Variants in TMEM131 observed in about 807,000 individuals in gnomAD.
The protein encoded by TMEM131 is 2610524E03Rik.
In TMEM131, 66 loss-of-function variants were observed where a neutral mutation model predicts 211.6. The observed-to-expected ratio is 0.31, with a 90% CI of 0.26 to 0.38. The LOEUF (loss-of-function observed/expected upper bound fraction) is 0.38. Among genes scored for constraint, TMEM131 ranks in the 10% least tolerant of loss-of-function variants. TMEM131 has a pLI of 1.00. For missense variants in TMEM131, 2,036 were observed against 2,299.3 expected (o/e 0.89, Z 2.34); for synonymous variants, 844 against 841.3 (o/e 1.00, Z -0.06).
At chr2:97,850,298 G>C (rs576555649) in intron 5 of TMEM131, among the ~76,000 whole-genome samples, 28 of 152,198 alleles carry the variant, frequency 1.8e-4, no homozygotes, top group Non-Finnish European at 2.8e-4. Context: ...CCCACAGAAA[G>C]GGGCAGTGAA....
chr2:97,868,102 C>G (rs1343197162), intron 4 of TMEM131, among the ~76,000 whole-genome samples: 1 of 152,148 alleles, frequency 6.6e-6, no homozygotes, highest in Non-Finnish European at 1.5e-5. Context: ...TTGTTAGATG[C>G]ATGCATATTT....
chr2:97,903,466 T>C (rs1029357387), intron 3 of TMEM131, among the ~76,000 whole-genome samples: 1 of 152,170 alleles, frequency 6.6e-6, no homozygotes, highest in Non-Finnish European at 1.5e-5. Context: ...ATTCTAAAAC[T>C]AGTCAGAGTT....
At chr2:97,836,315 A>G (rs1682937624) in intron 8 of TMEM131, among the ~76,000 whole-genome samples, 1 of 152,232 alleles carries the variant, frequency 6.6e-6, no homozygotes, top group African/African-American at 2.4e-5. Context: ...TGTGTGTAAC[A>G]GCAGTTAATA....
At chr2:97,946,085 A>C (rs866811406) in intron 1 of TMEM131, among the ~76,000 whole-genome samples, 3 of 152,094 alleles carry the variant, frequency 2.0e-5, no homozygotes, top group Non-Finnish European at 4.4e-5. Flanking sequence ...CAACACAGCT[A>C]TTGTGCAGGG....
chr2:97,867,232 C>G (rs1414955805), intron 4 of TMEM131, among the ~76,000 whole-genome samples: 1 of 152,158 alleles, frequency 6.6e-6, no homozygotes, highest in Non-Finnish European at 1.5e-5. Flanking sequence ...TCTTCTATAT[C>G]TTTATCTTCT....
At chr2:97,827,462 A>T (rs950481745) in intron 11 of TMEM131, 1 of 1,023,730 alleles carries the variant, frequency 9.8e-7, no homozygotes. Flanking sequence ...GAAACTAAAG[A>T]AGATTTACCT....
At chr2:97,872,852 T>C (rs949355449) in intron 4 of TMEM131, among the ~76,000 whole-genome samples, 2 of 152,182 alleles carry the variant, frequency 1.3e-5, no homozygotes, top group African/African-American at 4.8e-5. Context: ...AGTTCTTTTT[T>C]TTCCATACCC....
intron 19 of TMEM131, among the ~76,000 whole-genome samples, chr2:97,807,779 CATT>C (rs1370980439): frequency 1.3e-5 from 2 of 152,098 alleles, no homozygotes; most frequent in African/African-American, 4.8e-5. Flanking sequence ...TTAAGGACAT[CATT>C]GATTGAGAAG....
At chr2:97,812,280 T>C in intron 17 of TMEM131, 141 bp downstream of exon 17, 2 of 913,118 alleles carry the variant, frequency 2.2e-6, no homozygotes, top group Non-Finnish European at 3.1e-6. Flanking sequence ...ACATTACCTA[T>C]AAGGTCCTTT....
At chr2:97,992,550 GATAC>G (rs1202822443) in intron 1 of TMEM131, among the ~76,000 whole-genome samples, 2 of 151,824 alleles carry the variant, frequency 1.3e-5, no homozygotes, top group Non-Finnish European at 2.9e-5. Flanking sequence ...ATATTTACTA[GATAC>G]ATAAACTATA....
Position 97,995,541 on chromosome 2 carries a change from C to T in TMEM131, c.122G>A (p.Gly41Asp). The T allele has an allele frequency of 7.4e-7, 1 of 1,343,574 alleles. No individual in the cohort carries two copies. The highest frequency in any genetic ancestry group is 1.9e-5 in the South Asian group (1 of 53,168). The allele number at this position is 1,343,574 out of a possible 1,614,324, so 83.2% of individuals were successfully genotyped here. The change falls in exon 1 of 41, where the codon GGC becomes GAC. Residue 41 changes from glycine to aspartate, a missense_variant. This residue lies in a region of TMEM131 where 136 missense variants were observed against 115.4 expected (regional missense o/e 1.18). Coordinates refer to ENST00000186436, the MANE Select transcript of TMEM131 (RefSeq NM_015348.2). ...CACCAGGTGCAGCGCGCCTAGGAGG[C>T]CGGCGGCCGCGCTCCGCGGGCCCCC... ...RSGGPRSAAA[G>D]LLGALHLVMT...
chr2:97,805,691 G>A lies in TMEM131; in HGVS notation c.2068C>T (p.His690Tyr), dbSNP rs1559370818. Residue 690 changes from histidine to tyrosine, a missense_variant, in exon 20 of 41, where the codon CAT (histidine) becomes TAT (tyrosine). His to Tyr is a moderately conservative substitution (Grantham distance 83, BLOSUM62 2). Transcript: ENST00000186436. ...LPPSFPGKIVHQSLNIMNSFS... is the reference protein window; with the variant it reads ...LPPSFPGKIVYQSLNIMNSFS... Reference sequence around the variant, plus strand: ...GAATTCATAATATTTAAACTTTGATGAACTATTTTCCCCTGAAGGAAGAAA... The same window carrying A: ...GAATTCATAATATTTAAACTTTGATAAACTATTTTCCCCTGAAGGAAGAAA... The A allele has an allele frequency of 6.3e-7, 1 of 1,593,816 alleles. No homozygotes were observed. Among genetic ancestry groups the A allele is most frequent in the Non-Finnish European group, 8.6e-7 (1 of 1,167,892 alleles).
At chr2:97,909,649 T>C (rs1338992072) in intron 2 of TMEM131, among the ~76,000 whole-genome samples, 7 of 152,198 alleles carry the variant, frequency 4.6e-5, no homozygotes, top group Admixed American at 1.3e-4. Context: ...CCCAATAATA[T>C]ATATTATTTT....
chr2:97,917,608 A>G (rs1365422501), intron 2 of TMEM131, among the ~76,000 whole-genome samples: 1 of 152,220 alleles, frequency 6.6e-6, no homozygotes, highest in East Asian at 1.9e-4. Context: ...GGGACGCCTC[A>G]GAAAACTAAC....
chr2:97,938,629 A>C (rs1212918031), intron 1 of TMEM131, among the ~76,000 whole-genome samples: 6 of 152,194 alleles, frequency 3.9e-5, no homozygotes, highest in Non-Finnish European at 8.8e-5. Context: ...TGAGACAGAA[A>C]GTTAACAAGG....
chr2:97,900,215 A>T lies in TMEM131; in HGVS notation c.290+8443T>A, dbSNP rs114245843. ...AGGAAAGATCAAAATTCAAAATGTGAAATACTGTTTCTACTGAACATATAC... is the reference window on the plus strand; with the variant it reads ...AGGAAAGATCAAAATTCAAAATGTGTAATACTGTTTCTACTGAACATATAC... On this transcript the variant is annotated intron_variant, in intron 3 of 40. Coordinates refer to ENST00000186436, the MANE Select transcript of TMEM131 (RefSeq NM_015348.2). Among the ~76,000 whole-genome samples the T allele has an allele frequency of 6.2e-3, 949 of 152,234 alleles. 15 individuals carry two copies. Among genetic ancestry groups the T allele is most frequent in the African/African-American group, 0.02 (827 of 41,544 alleles).
intron 31 of TMEM131, among the ~76,000 whole-genome samples, chr2:97,788,990 G>GA (rs1409899062): frequency 6.6e-6 from 1 of 152,070 alleles, no homozygotes; most frequent in Non-Finnish European, 1.5e-5. Flanking sequence ...ATTAAATAGG[G>GA]AAAATACAGG....
At chr2:97,810,510 G>C (rs1291856365) in intron 18 of TMEM131, among the ~76,000 whole-genome samples, 2 of 152,114 alleles carry the variant, frequency 1.3e-5, no homozygotes, top group East Asian at 3.8e-4. Context: ...TGAGGGCAAA[G>C]GTGGTAAGTT....
chr2:97,985,203 A>G (rs1679971045), intron 1 of TMEM131, among the ~76,000 whole-genome samples: 1 of 152,206 alleles, frequency 6.6e-6, no homozygotes, highest in Admixed American at 6.5e-5. Flanking sequence ...AAACATAAGG[A>G]TGCCTGCTTT....
Sources: allele counts gnomAD v4.1 joint callset (sites outside exome capture counted in the v4.1 genomes callset), GRCh38; gene constraint gnomAD v4.1.1; regional missense constraint gnomAD v4.1.1; transcripts MANE v1.5; gene names NCBI Gene and HGNC (gene_info 2026-07-23, HGNC 2026-07-21).